Variants in ENOX1 observed in about 807,000 individuals in gnomAD.
ENOX1 encodes the protein candidate growth-related and time keeping constitutive hydroquinone (NADH) oxidase.
ENOX1 carries 42 observed loss-of-function variants against 82.5 expected under a neutral mutation model. That is an observed-to-expected ratio of 0.51 (90% CI 0.40 to 0.66). The LOEUF is 0.66. ENOX1 is among the 30% of genes least tolerant of loss of function. The pLI, the probability that ENOX1 is intolerant of heterozygous loss-of-function variation, is 0.00. For synonymous variants in ENOX1, 271 were observed against 282.2 expected (o/e 0.96, Z 0.40); for missense variants, 608 against 811.6 (o/e 0.75, Z 3.05).
chr13:43,632,947 T>A (rs2083278861), intron 2 of ENOX1, among the ~76,000 whole-genome samples: 1 of 152,160 alleles, frequency 6.6e-6, no homozygotes, highest in Non-Finnish European at 1.5e-5. Flanking sequence ...GTGTATCATA[T>A]ATTTAATATC....
intron 2 of ENOX1, among the ~76,000 whole-genome samples, chr13:43,633,365 T>G (rs1204422625): frequency 6.6e-6 from 1 of 152,184 alleles, no homozygotes; most frequent in Non-Finnish European, 1.5e-5. Flanking sequence ...AATATGAGTA[T>G]CATTTGATCC....
chr13:43,621,437 T>A (rs1217375726), intron 2 of ENOX1, among the ~76,000 whole-genome samples: 1 of 152,194 alleles, frequency 6.6e-6, no homozygotes, highest in Non-Finnish European at 1.5e-5. Context: ...GTTCCTGTAG[T>A]GGTGGTTTGG....
chr13:43,712,809 T>G (rs924303348), intron 1 of ENOX1, among the ~76,000 whole-genome samples: 5 of 152,024 alleles, frequency 3.3e-5, no homozygotes, highest in African/African-American at 1.2e-4. Context: ...AAGGAGATTT[T>G]GGGCTGAGAC....
chr13:43,451,614 A>G (rs946285999), intron 3 of ENOX1, among the ~76,000 whole-genome samples: 2 of 152,240 alleles, frequency 1.3e-5, no homozygotes, highest in Admixed American at 6.5e-5. Flanking sequence ...GGGAGTCCCT[A>G]TAAAACTAGT....
chr13:43,389,112 A>G (rs1321819795), intron 5 of ENOX1, among the ~76,000 whole-genome samples: 1 of 152,172 alleles, frequency 6.6e-6, no homozygotes, highest in Non-Finnish European at 1.5e-5. Context: ...CATTCAAGTA[A>G]GTGTCTCTGT....
chr13:43,485,958 C>A (rs533201732), intron 2 of ENOX1, among the ~76,000 whole-genome samples: 120 of 152,238 alleles, frequency 7.9e-4, no homozygotes, highest in Non-Finnish European at 1.3e-3. Flanking sequence ...TGCCTGTAAT[C>A]CCAGCACTTT....
intron 12 of ENOX1, among the ~76,000 whole-genome samples, chr13:43,274,337 CAA>C (rs1170147590): frequency 3.3e-5 from 5 of 152,174 alleles, no homozygotes; most frequent in African/African-American, 1.2e-4. Flanking sequence ...CTGCATTCTG[CAA>C]AGTTAATGTG....
chr13:43,330,607 G>A (rs1417236291), intron 9 of ENOX1, among the ~76,000 whole-genome samples: 1 of 152,024 alleles, frequency 6.6e-6, no homozygotes, highest in East Asian at 1.9e-4. Context: ...CCTAAATTAG[G>A]TTATTTGAGG....
At chr13:43,717,571 A>G (rs184140340) in intron 1 of ENOX1, among the ~76,000 whole-genome samples, 3 of 152,362 alleles carry the variant, frequency 2.0e-5, no homozygotes, top group Non-Finnish European at 4.4e-5. Flanking sequence ...GAGCTTCTGC[A>G]GAGCAAAAGA....
intron 1 of ENOX1, among the ~76,000 whole-genome samples, chr13:43,745,444 CGTT>C (rs1949971408): frequency 1.3e-5 from 2 of 152,076 alleles, no homozygotes; most frequent in African/African-American, 4.8e-5. Flanking sequence ...TTAAGGAAAA[CGTT>C]AGAATTGTGG....
At chr13:43,277,897 A>G (rs2045148564) in intron 12 of ENOX1, among the ~76,000 whole-genome samples, 1 of 152,188 alleles carries the variant, frequency 6.6e-6, no homozygotes, top group African/African-American at 2.4e-5. Flanking sequence ...AGAGGTTGAG[A>G]AAACACAGGA....
At chr13:43,743,686 G>A (rs1015059848) in intron 1 of ENOX1, among the ~76,000 whole-genome samples, 2 of 152,200 alleles carry the variant, frequency 1.3e-5, no homozygotes, top group African/African-American at 4.8e-5. Flanking sequence ...GGGAAGAAAT[G>A]AAATCACGAA....
intron 1 of ENOX1, among the ~76,000 whole-genome samples, chr13:43,738,007 T>C (rs2089716377): frequency 6.6e-6 from 1 of 152,232 alleles, no homozygotes; most frequent in Admixed American, 6.5e-5. Flanking sequence ...GAAGAATTCC[T>C]ACTTTAATTT....
intron 1 of ENOX1, among the ~76,000 whole-genome samples, chr13:43,743,187 C>A (rs1949844080): frequency 1.3e-5 from 2 of 152,106 alleles, no homozygotes; most frequent in Admixed American, 1.3e-4. Context: ...GCCCTGAAGC[C>A]TCATACTTTC....
intron 2 of ENOX1, among the ~76,000 whole-genome samples, chr13:43,596,097 A>G (rs1792977928): frequency 6.6e-6 from 1 of 152,206 alleles, no homozygotes; most frequent in Admixed American, 6.5e-5. Context: ...GCTAAACTCA[A>G]TCTCTGAGCT....
At chr13:43,496,409 G>C (rs543868914) in intron 2 of ENOX1, among the ~76,000 whole-genome samples, 1 of 151,454 alleles carries the variant, frequency 6.6e-6, no homozygotes, top group East Asian at 1.9e-4. Context: ...TTAAGAGACT[G>C]TGTCTTACTC....
intron 3 of ENOX1, among the ~76,000 whole-genome samples, chr13:43,450,219 C>T (rs761348391): frequency 1.8e-4 from 27 of 152,170 alleles, no homozygotes; most frequent in Non-Finnish European, 3.1e-4. Context: ...TGTTAGCCGT[C>T]CCCTGCCAGA....
intron 1 of ENOX1, among the ~76,000 whole-genome samples, chr13:43,677,743 A>T (rs2085581707): frequency 1.3e-5 from 2 of 152,190 alleles, no homozygotes; most frequent in Admixed American, 6.5e-5. Context: ...TATTAAATGC[A>T]CACATCCTGA....
intron 3 of ENOX1, among the ~76,000 whole-genome samples, chr13:43,419,248 T>A (rs2054828544): frequency 6.6e-6 from 1 of 151,866 alleles, no homozygotes; most frequent in Non-Finnish European, 1.5e-5. Flanking sequence ...AAAGGCTGGG[T>A]GTGGTGGCTC....
Sources: gnomAD v4.1 joint callset for allele counts (sites outside exome capture counted in the v4.1 genomes callset) on GRCh38, gnomAD v4.1.1 for gene constraint, MANE v1.5 for transcripts, NCBI Gene and HGNC (gene_info 2026-07-23, HGNC 2026-07-21) for gene names.